Variants in SKAP2 observed in about 807,000 individuals in gnomAD.
The protein encoded by SKAP2 is src kinase associated phosphoprotein 2, also known as src kinase-associated phosphoprotein 2.
SKAP2 carries 28 observed loss-of-function variants against 54.9 expected under a neutral mutation model. The ratio of observed to expected loss-of-function variants is 0.51; its 90% CI spans 0.38 to 0.70. The LOEUF is 0.70. Among genes scored for constraint, SKAP2 ranks in the 30% least tolerant of loss-of-function variants. The pLI is 0.00. For missense variants in SKAP2, 356 were observed against 424.1 expected (o/e 0.84, Z 1.41); for synonymous variants, 137 against 134.3 (o/e 1.02, Z -0.14).
chr7:26,717,509 C>CAAAAAAAATAAAAAAAAAAAA (rs1787474383), intron 9 of SKAP2, among the ~76,000 whole-genome samples: 1 of 23,130 alleles, frequency 4.3e-5, no homozygotes, highest in Non-Finnish European at 1.0e-4. Context: ...GACCCCATCT[C>CAAAAAAAATAAAAAAAAAAAA]AAAAAAAAAA....
chr7:26,753,077 G>A (rs1782719702), intron 4 of SKAP2, among the ~76,000 whole-genome samples: 1 of 152,132 alleles, frequency 6.6e-6, no homozygotes, highest in African/African-American at 2.4e-5. Flanking sequence ...ATGTGTAGCA[G>A]TTTTTCTTCT....
chr7:26,736,883 A>C lies in SKAP2; in HGVS notation c.469+1912T>G, dbSNP rs138854020. Among the ~76,000 whole-genome samples, 25 of 152,128 alleles carry C rather than the reference A, an allele frequency of 1.6e-4. No homozygotes were observed. The East Asian group carries it at 4.6e-3, about 28-fold the overall frequency. On this transcript the variant is annotated intron_variant, in intron 6 of 12. Coordinates refer to ENST00000345317, the MANE Select transcript of SKAP2 (RefSeq NM_003930.5). ...GCACTCCAGCTTGGGTGACAGAGTG[A>C]GGCCCCCGCATCTCTAAAAAGAAAA...
chr7:26,783,893 G>A (rs529808124), intron 4 of SKAP2, among the ~76,000 whole-genome samples: 47 of 151,294 alleles, frequency 3.1e-4, no homozygotes, highest in Non-Finnish European at 3.7e-4. Flanking sequence ...GTATACATAC[G>A]TAACTAACCT....
In SKAP2 at chr7:26,834,470, A is replaced by C. The variant is rs1211347305; in HGVS notation, c.307+9560T>G. On this transcript the variant is annotated intron_variant, in intron 4 of 12. Transcript: ENST00000345317. ...TAACCAGACTAATAAAGAAGAAAAG[A>C]GAGAAGAATCAAATAGACTCAATAA... 3.3e-5 allele frequency among the ~76,000 whole-genome samples: 5 copies of C among 152,368 alleles called. No individual in the cohort carries two copies. In the East Asian group the frequency reaches 9.6e-4, roughly 29 times the overall value.
chr7:26,801,653 G>A (rs1416993863), intron 4 of SKAP2, among the ~76,000 whole-genome samples: 1 of 152,152 alleles, frequency 6.6e-6, no homozygotes, highest in East Asian at 1.9e-4. Flanking sequence ...AACAAATTCA[G>A]TAAAGCTGCA....
At chr7:26,761,115 G>A (rs1233288957) in intron 4 of SKAP2, among the ~76,000 whole-genome samples, 7 of 152,236 alleles carry the variant, frequency 4.6e-5, no homozygotes, top group African/African-American at 1.7e-4. Flanking sequence ...AAATAAATCT[G>A]TAGTGAAGAA....
intron 4 of SKAP2, among the ~76,000 whole-genome samples, chr7:26,837,159 G>A (rs1312160263): frequency 6.6e-6 from 1 of 152,056 alleles, no homozygotes; most frequent in Non-Finnish European, 1.5e-5. Flanking sequence ...CGCAGGGAGG[G>A]GAACATCACA....
At chr7:26,727,039 T>C in intron 6 of SKAP2, 33 bp from the exon 7 acceptor site, 1 of 1,531,588 alleles carries the variant, frequency 6.5e-7, no homozygotes, top group South Asian at 1.2e-5. Flanking sequence ...GAATTTCATT[T>C]ACTAAGTATT....
At chr7:26,812,616 T>A (rs1784176618) in intron 4 of SKAP2, among the ~76,000 whole-genome samples, 1 of 152,174 alleles carries the variant, frequency 6.6e-6, no homozygotes, top group African/African-American at 2.4e-5. Context: ...TGTTAAACAA[T>A]GGGTTTAAAT....
At chr7:26,791,252 A>T (rs10239608) in intron 4 of SKAP2, among the ~76,000 whole-genome samples, 49,383 of 151,854 alleles carry the variant, frequency 0.33, 8,190 homozygotes, top group Middle Eastern at 0.38. Context: ...CAATATAAAA[A>T]TTTTCTTTTT....
At chr7:26,810,765 T>A (rs1321226980) in intron 4 of SKAP2, among the ~76,000 whole-genome samples, 1 of 152,110 alleles carries the variant, frequency 6.6e-6, no homozygotes. Flanking sequence ...CACTGCAACC[T>A]CCACTTCCCA....
chr7:26,687,861 T>G (rs1444939805), intron 10 of SKAP2, among the ~76,000 whole-genome samples: 2 of 152,246 alleles, frequency 1.3e-5, no homozygotes, highest in East Asian at 3.9e-4. Flanking sequence ...ACAAATTAAG[T>G]ATGTTTAGTT....
Position 26,686,478 on chromosome 7 carries a change from T to C in SKAP2, c.875-1630A>G, listed in dbSNP as rs369497995. On this transcript the variant is annotated intron_variant, in intron 10 of 12. Transcript: ENST00000345317. ...TGGGAATCCAACCAAGAACTAACAA[T>C]GCTTGTGGCCACTCTTCATTACATT... Among the ~76,000 whole-genome samples the C allele has an allele frequency of 1.1e-4, 17 of 152,288 alleles. No homozygotes were observed. The East Asian group carries it at 1.9e-3, about 17-fold the overall frequency.
intron 10 of SKAP2, among the ~76,000 whole-genome samples, chr7:26,686,247 T>C (rs1786637587): frequency 6.6e-6 from 1 of 152,134 alleles, no homozygotes. Flanking sequence ...AAAATAAAGA[T>C]GGACTAGAAA....
chr7:26,727,132 A>G, intron 6 of SKAP2, 126 bp from the exon 7 acceptor site: 1 of 629,274 alleles, frequency 1.6e-6, no homozygotes, highest in East Asian at 3.1e-5. Flanking sequence ...TAGTAATATA[A>G]TGCTTAGGTA....
rs566343707 is a variant in SKAP2 at position 26,851,541 on chromosome 7, G to A, written c.199+2596C>T. ...TGAGAACACTTGGATACAGGAAGGC[G>A]GACATCACACACCGGTGCCTGTTGA... On this transcript the variant is annotated intron_variant, in intron 3 of 12. Coordinates refer to ENST00000345317, the MANE Select transcript of SKAP2 (RefSeq NM_003930.5). 2.6e-5 allele frequency among the ~76,000 whole-genome samples: 4 copies of A among 152,074 alleles called. No homozygotes were observed. In the South Asian group the frequency reaches 6.2e-4, roughly 24 times the overall value.
In SKAP2 at chr7:26,670,124, G is replaced by T; in HGVS notation, c.1056C>A (p.Tyr352Ter). 1.3e-6 allele frequency: 2 copies of T among 1,542,674 alleles called. No homozygotes were observed. Among genetic ancestry groups the T allele is most frequent in the Non-Finnish European group, 9.0e-7 (1 of 1,115,132 alleles). Residue 352 changes from tyrosine (Y) to a stop codon, truncating the protein, a stop_gained, in exon 12 of 13, where the codon TAC (tyrosine) becomes TAA (stop). Transcript: ENST00000345317. LOFTEE classifies it high-confidence loss of function. ...KGAIGLVPKAYIMEMYDI is the reference protein window; with the variant it reads ...KGAIGLVPKA ...CTCAAATATCATACATCTCCATTATGTAGGCTTTAGGCACCAAGCCAATGG... is the reference window on the plus strand; with the variant it reads ...CTCAAATATCATACATCTCCATTATTTAGGCTTTAGGCACCAAGCCAATGG...
At chr7:26,761,319 T>C (rs1782924871) in intron 4 of SKAP2, among the ~76,000 whole-genome samples, 1 of 152,170 alleles carries the variant, frequency 6.6e-6, no homozygotes, top group African/African-American at 2.4e-5. Context: ...ATCTGTAATG[T>C]CAAAAATGAA....
At chr7:26,820,098 G>A (rs1245130147) in intron 4 of SKAP2, among the ~76,000 whole-genome samples, 1 of 152,192 alleles carries the variant, frequency 6.6e-6, no homozygotes. Flanking sequence ...CAGGAATATT[G>A]CTTGAGCCCA....
Sources: allele counts gnomAD v4.1 joint callset (sites outside exome capture counted in the v4.1 genomes callset), GRCh38; gene constraint gnomAD v4.1.1; transcripts MANE v1.5; gene names NCBI Gene and HGNC (gene_info 2026-07-23, HGNC 2026-07-21).